Variants in USP9X observed in about 807,000 individuals in gnomAD.
The protein encoded by USP9X is ubiquitin specific peptidase 9 X-linked, also known as ubiquitin carboxyl-terminal hydrolase 9X.
In USP9X, 7 loss-of-function variants were observed where a neutral mutation model predicts 190.3. The ratio of observed to expected loss-of-function variants is 0.04; its 90% CI spans 0.02 to 0.07. The LOEUF is 0.07. Among genes scored for constraint, USP9X ranks in the 10% least tolerant of loss-of-function variants. The probability of loss-of-function intolerance (pLI) is 1.00; values close to 1 mark genes in which losing one functional copy is unlikely to be tolerated. For synonymous variants in USP9X, 645 were observed against 659.5 expected (o/e 0.98, Z 0.34); for missense variants, 1,010 against 1,916.9 (o/e 0.53, Z 8.83).
chrX:41,195,042 CTTTCTTTTTTT>C (rs1456830954), intron 26 of USP9X, among the ~76,000 whole-genome samples: 3 of 96,948 alleles, frequency 3.1e-5, no homozygotes, highest in Non-Finnish European at 6.2e-5. Context: ...TTTCTTTTTT[CTTTCTTTTTTT>C]TGGAGATGGA....
intron 24 of USP9X, among the ~76,000 whole-genome samples, chrX:41,186,960 G>A (rs112158980): frequency 9.9e-4 from 108 of 109,049 alleles, no homozygotes; most frequent in African/African-American, 3.5e-3. Context: ...CACAGTAGCT[G>A]GGATTACAGG....
intron 14 of USP9X, among the ~76,000 whole-genome samples, chrX:41,154,648 C>T (rs1304846921): frequency 9.0e-6 from 1 of 111,564 alleles, no homozygotes; most frequent in Non-Finnish European, 1.9e-5. Flanking sequence ...CTTATGTTGT[C>T]TGTATATCTG....
Position 41,085,869 on chromosome X carries a change from A to G in USP9X, c.-399A>G, listed in dbSNP as rs999230756. On this transcript the variant is annotated 5_prime_UTR_variant, in exon 1 of 45. Transcript: ENST00000378308. Reference sequence around the variant, plus strand: ...AAGGGGAAGAGGGCCGTCGCCGGCCAAGGAGGAGGAGGAGGCGGGCGCGGC... The same window carrying G: ...AAGGGGAAGAGGGCCGTCGCCGGCCGAGGAGGAGGAGGAGGCGGGCGCGGC... The G allele has an allele frequency of 4.4e-5, 13 of 297,081 alleles. No homozygotes were observed. The highest frequency in any genetic ancestry group is 3.3e-4 in the African/African-American group (12 of 36,515). The allele number at this position is 297,081 out of a possible 1,213,427, so 24.5% of individuals were successfully genotyped here.
intron 39 of USP9X, among the ~76,000 whole-genome samples, chrX:41,223,961 G>T (rs1158462770): frequency 1.8e-5 from 2 of 111,361 alleles, no homozygotes; most frequent in African/African-American, 3.3e-5. Context: ...CCTATGCTTT[G>T]GGGGAGGCCA....
At chrX:41,168,354 C>G (rs769315374) in intron 18 of USP9X, 136 bp downstream of exon 18, 2 of 592,816 alleles carry the variant, frequency 3.4e-6, no homozygotes, top group African/African-American at 4.7e-5. Context: ...TTCATTTCAT[C>G]TAATTTTTTT....
intron 2 of USP9X, among the ~76,000 whole-genome samples, chrX:41,128,093 A>T (rs914611723): frequency 2.7e-5 from 3 of 112,170 alleles, no homozygotes; most frequent in African/African-American, 9.7e-5. Context: ...GTTGAAAGTG[A>T]TGTTACTTAT....
intron 3 of USP9X, among the ~76,000 whole-genome samples, 200 bp from the exon 4 acceptor site, chrX:41,131,257 T>A (rs1323023522): frequency 2.7e-5 from 3 of 111,608 alleles, no homozygotes; most frequent in Admixed American, 1.9e-4. Context: ...TGACAGTACC[T>A]GTAAAAATTT....
chrX:41,149,099 G>T (rs900531821), intron 12 of USP9X, among the ~76,000 whole-genome samples: 1 of 111,924 alleles, frequency 8.9e-6, no homozygotes, highest in Non-Finnish European at 1.9e-5. Context: ...TTGTTACACT[G>T]ATGAACTGGT....
chrX:41,200,911 G>T (rs1202110580), intron 30 of USP9X, 149 bp from the exon 31 acceptor site: 2 of 542,665 alleles, frequency 3.7e-6, no homozygotes, highest in Non-Finnish European at 6.0e-6. Context: ...GGAAGATGAA[G>T]TGCAAACTCA....
At chrX:41,123,003 G>A (rs2146985903) in intron 1 of USP9X, among the ~76,000 whole-genome samples, 1 of 111,128 alleles carries the variant, frequency 9.0e-6, no homozygotes, top group African/African-American at 3.3e-5. Flanking sequence ...ATGGGCACGG[G>A]ATAGGGGTGC....
intron 21 of USP9X, among the ~76,000 whole-genome samples, chrX:41,180,317 A>G (rs2062814684): frequency 8.9e-6 from 1 of 112,534 alleles, no homozygotes; most frequent in Non-Finnish European, 1.9e-5. Context: ...TGCAGATTCA[A>G]CCTTCACAAC....
At chrX:41,098,087 G>A (rs1356458684) in intron 1 of USP9X, among the ~76,000 whole-genome samples, 4 of 110,680 alleles carry the variant, frequency 3.6e-5, no homozygotes, top group Non-Finnish European at 7.6e-5. Context: ...CACCCTGGAA[G>A]GTTCCCTTAT....
At chrX:41,132,779 A>G (rs1427652565) in intron 4 of USP9X, among the ~76,000 whole-genome samples, 1 of 109,490 alleles carries the variant, frequency 9.1e-6, no homozygotes, top group Admixed American at 9.8e-5. Context: ...TACACAGGAA[A>G]GGTGTGATTT....
intron 2 of USP9X, 148 bp from the exon 3 acceptor site, chrX:41,128,852 G>T: frequency 1.7e-6 from 1 of 584,973 alleles, no homozygotes; most frequent in Non-Finnish European, 2.7e-6. Flanking sequence ...CAAGGTTGTT[G>T]GTTGACTTTG....
At chrX:41,201,321 TATG>T (rs775961692) in intron 31 of USP9X, 41 bp downstream of exon 31, 2 of 1,084,345 alleles carry the variant, frequency 1.8e-6, no homozygotes, top group Non-Finnish European at 2.6e-6. Context: ...TGTTTCAAGT[TATG>T]ATACCAGATA....
rs761579936 is a variant in USP9X, at chrX:41,181,890, A to AC, written c.3149-2106dup. ...TATCTTTTCAAAAGGCTAGAAAGAA[A>AC]CCAAAATCGTCATAAACTCTGGATG... On this transcript the variant is annotated intron_variant, in intron 21 of 44. Coordinates refer to ENST00000378308, the MANE Select transcript of USP9X (RefSeq NM_001039591.3). Among the ~76,000 whole-genome samples the AC allele has an allele frequency of 6.3e-5, 7 of 111,563 alleles. No homozygotes were observed. In the South Asian group the frequency reaches 1.9e-3, roughly 30 times the overall value.
At chrX:41,099,415 T>G (rs2146932014) in intron 1 of USP9X, among the ~76,000 whole-genome samples, 1 of 111,120 alleles carries the variant, frequency 9.0e-6, no homozygotes, top group South Asian at 3.8e-4. Flanking sequence ...TCCCAAGTAG[T>G]TGTACCAGTT....
chrX:41,222,730 A>T (rs2063275516), intron 38 of USP9X, among the ~76,000 whole-genome samples: 1 of 110,540 alleles, frequency 9.0e-6, no homozygotes, highest in African/African-American at 3.3e-5. Context: ...ACCCAGGCCA[A>T]CATGGTGAAA....
chrX:41,232,678 C>A lies in USP9X; in HGVS notation c.*154C>A. The A allele has an allele frequency of 1.3e-6, 1 of 750,081 alleles. No individual in the cohort carries two copies. Among genetic ancestry groups the A allele is most frequent in the Non-Finnish European group, 1.9e-6 (1 of 533,807 alleles). The allele number at this position is 750,081 out of a possible 1,213,427, so 61.8% of individuals were successfully genotyped here. On this transcript the variant is annotated 3_prime_UTR_variant, in exon 45 of 45. Transcript: ENST00000378308. Reference sequence around the variant, plus strand: ...TCACTGTCTTATCTGCAGAAATTTGCTGTCAATATATAACCCGCCTGCAGT... The same window carrying A: ...TCACTGTCTTATCTGCAGAAATTTGATGTCAATATATAACCCGCCTGCAGT...
Sources: allele counts gnomAD v4.1 joint callset (sites outside exome capture counted in the v4.1 genomes callset), GRCh38; gene constraint gnomAD v4.1.1; transcripts MANE v1.5; gene names NCBI Gene and HGNC (gene_info 2026-07-23, HGNC 2026-07-21).